Variants in CTNNA3 observed in about 807,000 individuals in gnomAD.
CTNNA3 encodes the protein catenin alpha-3.
CTNNA3 carries 76 observed loss-of-function variants against 95.7 expected under a neutral mutation model. The ratio of observed to expected loss-of-function variants is 0.79; its 90% CI spans 0.66 to 0.96. The LOEUF (loss-of-function observed/expected upper bound fraction) is 0.96, where lower values mean the gene tolerates loss of function less well. Ranked by LOEUF, CTNNA3 falls within the 40% of genes least tolerant of loss-of-function variation. CTNNA3 has a pLI of 0.00. For synonymous variants in CTNNA3, 431 were observed against 374.4 expected (o/e 1.15, Z -1.74); for missense variants, 1,191 against 1,089.8 (o/e 1.09, Z -1.31).
chr10:67,054,483 C>T (rs1233655967), intron 7 of CTNNA3: 1 of 152,094 alleles, frequency 6.6e-6, no homozygotes, highest in Non-Finnish European at 1.5e-5. Context: ...ATGAAGTTCC[C>T]CCAAAATACA....
chr10:66,958,910 A>G (rs771333914), intron 7 of CTNNA3, among the ~76,000 whole-genome samples: 1 of 152,164 alleles, frequency 6.6e-6, no homozygotes, highest in Non-Finnish European at 1.5e-5. Flanking sequence ...AGTTCCCTTT[A>G]TAGGTCAGAT....
At chr10:67,033,003 A>G (rs924786125) in intron 7 of CTNNA3, among the ~76,000 whole-genome samples, 1 of 152,142 alleles carries the variant, frequency 6.6e-6, no homozygotes, top group Non-Finnish European at 1.5e-5. Context: ...CTTCATTTTT[A>G]CTTGAATTAT....
At chr10:66,562,089 G>A (rs906585433) in intron 10 of CTNNA3, among the ~76,000 whole-genome samples, 1 of 152,012 alleles carries the variant, frequency 6.6e-6, no homozygotes, top group African/African-American at 2.4e-5. Flanking sequence ...AAGGCCTGGA[G>A]TTTTGTAAAA....
intron 7 of CTNNA3, among the ~76,000 whole-genome samples, chr10:66,847,673 CTTAT>C (rs1564721404): frequency 6.6e-6 from 1 of 151,992 alleles, no homozygotes; most frequent in Non-Finnish European, 1.5e-5. Context: ...TTAAAATTTT[CTTAT>C]TTATTTACCT....
intron 8 of CTNNA3, among the ~76,000 whole-genome samples, chr10:66,769,363 G>A (rs939842182): frequency 8.5e-5 from 13 of 152,140 alleles, no homozygotes; most frequent in Non-Finnish European, 1.9e-4. Context: ...CTTAACCCAT[G>A]CAAAAAACAA....
At chr10:66,855,627 T>G (rs569038053) in intron 7 of CTNNA3, among the ~76,000 whole-genome samples, 1 of 151,948 alleles carries the variant, frequency 6.6e-6, no homozygotes, top group African/African-American at 2.4e-5. Flanking sequence ...ACTCATATTA[T>G]TACCATTCCC....
At chr10:66,187,660 T>C (rs2086415753) in intron 13 of CTNNA3, among the ~76,000 whole-genome samples, 1 of 152,014 alleles carries the variant, frequency 6.6e-6, no homozygotes, top group Admixed American at 6.6e-5. Context: ...ATTTTTTAGC[T>C]AACTAATAAG....
chr10:67,552,426 G>A (rs1052911273), intron 3 of CTNNA3, among the ~76,000 whole-genome samples: 2 of 151,522 alleles, frequency 1.3e-5, no homozygotes, highest in African/African-American at 2.4e-5. Flanking sequence ...CCTGTACATC[G>A]ACGCCCTCTC....
chr10:66,899,384 A>G (rs1479173707), intron 7 of CTNNA3, among the ~76,000 whole-genome samples: 9 of 152,180 alleles, frequency 5.9e-5, no homozygotes, highest in Admixed American at 5.9e-4. Flanking sequence ...ACTGAAATCA[A>G]GATGGTCGTT....
chr10:66,711,456 T>C (rs1848293432), intron 9 of CTNNA3, among the ~76,000 whole-genome samples: 1 of 152,240 alleles, frequency 6.6e-6, no homozygotes, highest in South Asian at 2.1e-4. Flanking sequence ...TGTCCCATTA[T>C]TCAGTCTGCT....
intron 13 of CTNNA3, among the ~76,000 whole-genome samples, chr10:66,207,890 TA>T (rs1370431008): frequency 2.0e-5 from 3 of 151,880 alleles, no homozygotes; most frequent in Admixed American, 6.6e-5. Flanking sequence ...CTCACATTAA[TA>T]AAAAAAATAT....
At chr10:66,009,101 GA>G (rs560119281) in intron 15 of CTNNA3, among the ~76,000 whole-genome samples, 54 of 145,878 alleles carry the variant, frequency 3.7e-4, no homozygotes, top group Middle Eastern at 7.1e-3. Context: ...CTCAATCTCA[GA>G]AAAAAAAAAA....
intron 9 of CTNNA3, among the ~76,000 whole-genome samples, chr10:66,653,898 T>C (rs966393071): frequency 6.6e-6 from 1 of 152,074 alleles, no homozygotes; most frequent in African/African-American, 2.4e-5. Context: ...AATGGATATC[T>C]ACATGCAGAA....
At chr10:66,514,066 T>C (rs1240347800) in intron 11 of CTNNA3, among the ~76,000 whole-genome samples, 5 of 152,170 alleles carry the variant, frequency 3.3e-5, no homozygotes, top group Non-Finnish European at 7.3e-5. Flanking sequence ...GCATTGAAAG[T>C]TACCTTGGTG....
chr10:66,086,479 G>T lies in CTNNA3; in HGVS notation c.1977+16678C>A, dbSNP rs74140949. 3.0e-3 allele frequency among the ~76,000 whole-genome samples: 459 copies of T among 152,116 alleles called. 5 individuals carry two copies. Among genetic ancestry groups the T allele is most frequent in the African/African-American group, 0.01 (429 of 41,528 alleles). On this transcript the variant is annotated intron_variant, in intron 14 of 17. Transcript: ENST00000433211. ...AAGGTTCTTAAGCATGGGCTTTCAT[G>T]GGCATGCGAATTTTTTTTAAAAAGT...
At chr10:66,103,305 G>T in intron 13 of CTNNA3, 56 bp from the exon 14 acceptor site, 2 of 1,388,948 alleles carry the variant, frequency 1.4e-6, no homozygotes, top group Non-Finnish European at 2.0e-6. Context: ...TTCTTCTTTG[G>T]AAAACAACGC....
chr10:67,543,351 T>C (rs1840741403), intron 3 of CTNNA3, among the ~76,000 whole-genome samples: 1 of 151,996 alleles, frequency 6.6e-6, no homozygotes, highest in South Asian at 2.1e-4. Context: ...ATCAAATAAA[T>C]AAACTCCAGA....
intron 12 of CTNNA3, among the ~76,000 whole-genome samples, chr10:66,330,772 G>A (rs951034924): frequency 2.6e-5 from 4 of 152,070 alleles, no homozygotes; most frequent in Admixed American, 2.6e-4. Flanking sequence ...TCTAACTGGT[G>A]TGAGATGGTA....
At chr10:67,145,437 T>A (rs958461014) in intron 7 of CTNNA3, among the ~76,000 whole-genome samples, 1 of 30,168 alleles carries the variant, frequency 3.3e-5, no homozygotes, top group East Asian at 9.3e-4. Context: ...ATTTTTTTAG[T>A]TTTTTTTTTT....
Sources: allele counts gnomAD v4.1 joint callset (sites outside exome capture counted in the v4.1 genomes callset), GRCh38; gene constraint gnomAD v4.1.1; transcripts MANE v1.5; gene names NCBI Gene and HGNC (gene_info 2026-07-23, HGNC 2026-07-21).